The following VTI1A variants were observed in gnomAD, a reference collection of about 807,000 sequenced individuals.
The protein encoded by VTI1A is vesicle transport through interaction with t-SNAREs 1A.
A neutral mutation model predicts 34.9 loss-of-function variants in VTI1A; 22 were observed. The observed-to-expected ratio is 0.63, with a 90% CI of 0.45 to 0.90. The LOEUF (loss-of-function observed/expected upper bound fraction) is 0.90. Among genes scored for constraint, VTI1A ranks in the 40% least tolerant of loss-of-function variants. The pLI is 0.00. For synonymous variants in VTI1A, 87 were observed against 97.3 expected (o/e 0.89, Z 0.62); for missense variants, 268 against 275.6 (o/e 0.97, Z 0.20).
intron 5 of VTI1A, among the ~76,000 whole-genome samples, chr10:112,573,290 C>G (rs886259157): frequency 1.3e-5 from 2 of 152,118 alleles, no homozygotes; most frequent in African/African-American, 4.8e-5. Flanking sequence ...CCGAAATAAA[C>G]TAAGCAACTT....
chr10:112,830,849 A>ATATATATATATATATATATATTTTT, the VTI1A span, among the ~76,000 whole-genome samples: 14 of 33,480 alleles, frequency 4.2e-4, no homozygotes, highest in East Asian at 2.9e-3. Context: ...ATATATATAT[A>ATATATATATATATATATATATTTTT]TTTTTTTTTT....
chr10:112,630,312 C>T (rs989873727), intron 5 of VTI1A, among the ~76,000 whole-genome samples: 3 of 152,184 alleles, frequency 2.0e-5, no homozygotes, highest in African/African-American at 7.2e-5. Context: ...AATGTGTCCT[C>T]AGCTTCAGAA....
intron 7 of VTI1A, among the ~76,000 whole-genome samples, chr10:112,743,446 A>G (rs1478244165): frequency 6.6e-6 from 1 of 152,186 alleles, no homozygotes; most frequent in Admixed American, 6.5e-5. Flanking sequence ...CTGGCTGTGT[A>G]CTTGGTAAGG....
intron 5 of VTI1A, among the ~76,000 whole-genome samples, chr10:112,576,799 T>C (rs1415978020): frequency 1.3e-5 from 2 of 152,220 alleles, no homozygotes; most frequent in Non-Finnish European, 2.9e-5. Flanking sequence ...ATTTTTCAAA[T>C]TTTGTTATCA....
chr10:112,716,789 C>G (rs1023240674), intron 7 of VTI1A, among the ~76,000 whole-genome samples: 2 of 151,634 alleles, frequency 1.3e-5, no homozygotes, highest in African/African-American at 4.8e-5. Context: ...TTCCCAAATC[C>G]AAAAAAAATT....
At chr10:112,527,625 C>T (rs1039081146) in intron 4 of VTI1A, among the ~76,000 whole-genome samples, 5 of 151,812 alleles carry the variant, frequency 3.3e-5, no homozygotes, top group Non-Finnish European at 2.9e-5. Context: ...CTTAAAAATA[C>T]ATTCACCAAA....
intron 5 of VTI1A, among the ~76,000 whole-genome samples, chr10:112,592,905 A>G (rs1401889215): frequency 6.6e-6 from 1 of 152,208 alleles, no homozygotes; most frequent in African/African-American, 2.4e-5. Context: ...AAGGAAAGTG[A>G]TATGGTGCTG....
chr10:112,798,800 C>CA (rs1852765947), intron 7 of VTI1A, among the ~76,000 whole-genome samples: 1 of 152,226 alleles, frequency 6.6e-6, no homozygotes, highest in Non-Finnish European at 1.5e-5. Context: ...CCCTACAAGG[C>CA]TGCCTTTGCT....
At chr10:112,610,081 GA>G (rs1028257096) in intron 5 of VTI1A, among the ~76,000 whole-genome samples, 2 of 147,944 alleles carry the variant, frequency 1.4e-5, no homozygotes, top group East Asian at 2.0e-4. Context: ...CACAGGAAAA[GA>G]AAAAAAAATG....
intron 7 of VTI1A, among the ~76,000 whole-genome samples, chr10:112,729,005 CATG>C (rs1437005721): frequency 6.6e-6 from 1 of 152,174 alleles, no homozygotes; most frequent in African/African-American, 2.4e-5. Flanking sequence ...CCTTAACAAC[CATG>C]ATGCCTTTTA....
At chr10:112,809,467 G>A (rs1185272383) in intron 7 of VTI1A, among the ~76,000 whole-genome samples, 1 of 152,172 alleles carries the variant, frequency 6.6e-6, no homozygotes, top group African/African-American at 2.4e-5. Context: ...CCAAAAGTGG[G>A]GCATCGTTAT....
At chr10:112,553,137 A>G (rs557775443) in intron 5 of VTI1A, among the ~76,000 whole-genome samples, 1 of 152,226 alleles carries the variant, frequency 6.6e-6, no homozygotes, top group Non-Finnish European at 1.5e-5. Context: ...TTGAGGATTT[A>G]AAAAAAGTTA....
At chr10:112,853,850 A>T in the VTI1A span, among the ~76,000 whole-genome samples, 1 of 152,016 alleles carries the variant, frequency 6.6e-6, no homozygotes, top group South Asian at 2.1e-4. Context: ...CACTCCGTGG[A>T]CTCCTCTCTC....
chr10:112,631,734 G>A (rs560650027), intron 5 of VTI1A, among the ~76,000 whole-genome samples: 1 of 152,304 alleles, frequency 6.6e-6, no homozygotes, highest in East Asian at 1.9e-4. Flanking sequence ...CCTATGGCAT[G>A]TGAGTTCCGC....
At chr10:112,509,798 C>T (rs1849547822) in intron 3 of VTI1A, among the ~76,000 whole-genome samples, 1 of 152,188 alleles carries the variant, frequency 6.6e-6, no homozygotes, top group Admixed American at 6.5e-5. Context: ...AACTGCAGAA[C>T]ATAGGTTTAA....
Position 112,814,079 on chromosome 10 carries a change from TG to T in VTI1A, c.561-1210del, listed in dbSNP as rs1270689490. 4.6e-5 allele frequency among the ~76,000 whole-genome samples: 7 copies of T among 152,320 alleles called. No individual in the cohort carries two copies. In the South Asian group the frequency reaches 1.5e-3, roughly 32 times the overall value. On this transcript the variant is annotated intron_variant, in intron 7 of 7. Coordinates refer to ENST00000393077, the MANE Select transcript of VTI1A (RefSeq NM_145206.4). Reference sequence around the variant, plus strand: ...GAATCTGACTAAAACTACAACCTGATGTCATCCTTCCAGGAAATAAACTCAT... The same window carrying T: ...GAATCTGACTAAAACTACAACCTGATTCATCCTTCCAGGAAATAAACTCAT...
intron 5 of VTI1A, among the ~76,000 whole-genome samples, chr10:112,580,403 G>A (rs951680898): frequency 6.6e-6 from 1 of 152,212 alleles, no homozygotes; most frequent in Non-Finnish European, 1.5e-5. Context: ...GCTGAGAACA[G>A]TTGTGGTGGG....
chr10:112,575,342 G>A (rs1212696873), intron 5 of VTI1A, among the ~76,000 whole-genome samples: 2 of 152,262 alleles, frequency 1.3e-5, no homozygotes, highest in East Asian at 1.9e-4. Context: ...TCTAATTTAT[G>A]GATCTTTTCA....
intron 7 of VTI1A, among the ~76,000 whole-genome samples, chr10:112,700,886 A>G (rs935203385): frequency 1.3e-5 from 2 of 152,252 alleles, no homozygotes; most frequent in Non-Finnish European, 2.9e-5. Context: ...ATGCAAGGCC[A>G]TAAAATGTGC....
Sources: gnomAD v4.1 joint callset for allele counts (sites outside exome capture counted in the v4.1 genomes callset) on GRCh38, gnomAD v4.1.1 for gene constraint, MANE v1.5 for transcripts, NCBI Gene and HGNC (gene_info 2026-07-23, HGNC 2026-07-21) for gene names.